The following SNTG1 variants were observed in gnomAD, a reference collection of about 807,000 sequenced individuals.
SNTG1 encodes gamma-1-syntrophin.
Under a neutral mutation model 74.7 loss-of-function variants are expected in SNTG1, and 39 were observed. The ratio of observed to expected loss-of-function variants is 0.52; its 90% CI spans 0.40 to 0.68. The LOEUF (loss-of-function observed/expected upper bound fraction) is 0.68, where lower values mean the gene tolerates loss of function less well. SNTG1 is among the 30% of genes least tolerant of loss of function. The pLI, the probability that SNTG1 is intolerant of heterozygous loss-of-function variation, is 0.00. For missense variants in SNTG1, 685 were observed against 609.5 expected, an observed-to-expected ratio of 1.12 and a Z score of -1.30; for synonymous variants, 254 against 217.1, an observed-to-expected ratio of 1.17 and a Z score of -1.49.
At chr8:50,432,734 G>A (rs139288765) in intron 4 of SNTG1, among the ~76,000 whole-genome samples, 1 of 151,480 alleles carries the variant, frequency 6.6e-6, no homozygotes, top group South Asian at 2.1e-4. Flanking sequence ...TATTATGTTA[G>A]ATTTATACCA....
At chr8:50,669,420 C>A (rs2095267524) in intron 15 of SNTG1, among the ~76,000 whole-genome samples, 1 of 152,104 alleles carries the variant, frequency 6.6e-6, no homozygotes, top group African/African-American at 2.4e-5. Context: ...CAACTCTATG[C>A]AAATAAACTA....
chr8:50,011,744 T>C (rs1815823862), intron 1 of SNTG1: 1 of 152,184 alleles, frequency 6.6e-6, no homozygotes, highest in Admixed American at 6.6e-5. Flanking sequence ...GGGAGGAATA[T>C]ATTTTGTTAA....
At chr8:50,031,284 A>T (rs188470480) in intron 1 of SNTG1, among the ~76,000 whole-genome samples, 1 of 152,102 alleles carries the variant, frequency 6.6e-6, no homozygotes, top group Admixed American at 6.5e-5. Context: ...GTCATCTACA[A>T]ATAAGTTCTA....
intron 8 of SNTG1, among the ~76,000 whole-genome samples, chr8:50,458,651 T>A (rs190711835): frequency 6.6e-6 from 1 of 152,168 alleles, no homozygotes; most frequent in Non-Finnish European, 1.5e-5. Context: ...ATTTTACATG[T>A]CTACACTTGC....
rs148890499 is a variant in SNTG1, at chr8:50,721,453, G to C, written c.1284+12475G>C. The stretch of plus-strand genomic sequence containing the variant: ...ATGGTGGAGACAAATTCTTAAAATA[G>C]CAGCATTATTATAAGAAGAAGTGAT... On this transcript the variant is annotated intron_variant, in intron 17 of 18. Transcript: ENST00000642720. Among the ~76,000 whole-genome samples the C allele has an allele frequency of 4.4e-3, 674 of 152,256 alleles. 7 individuals carry two copies. Among genetic ancestry groups the C allele is most frequent in the African/African-American group, 0.015 (625 of 41,536 alleles).
chr8:50,592,713 A>G (rs548420727), intron 13 of SNTG1, among the ~76,000 whole-genome samples: 4 of 152,312 alleles, frequency 2.6e-5, no homozygotes, highest in East Asian at 1.9e-4. Context: ...TATTCATTAT[A>G]TAATAATTTC....
intron 2 of SNTG1, among the ~76,000 whole-genome samples, chr8:50,254,853 G>GA (rs11377291): frequency 0.38 from 53,487 of 141,484 alleles, 12,052 homozygotes; most frequent in African/African-American, 0.64. Context: ...ACTCCTCAAA[G>GA]AAAAAAAAAA....
intron 1 of SNTG1, among the ~76,000 whole-genome samples, chr8:49,963,389 T>C (rs1024399168): frequency 6.6e-6 from 1 of 152,238 alleles, no homozygotes; most frequent in Non-Finnish European, 1.5e-5. Context: ...TTTTGGTTTA[T>C]GTCTTGGGCT....
intron 18 of SNTG1, among the ~76,000 whole-genome samples, chr8:50,777,252 A>AAT (rs1210625371): frequency 2.0e-5 from 3 of 147,430 alleles, no homozygotes; most frequent in East Asian, 2.0e-4. Context: ...TAATATATAT[A>AAT]ATATATATAT....
At chr8:50,259,508 A>AAAAAG (rs1554621879) in intron 2 of SNTG1, among the ~76,000 whole-genome samples, 902 of 15,596 alleles carry the variant, frequency 0.058, 46 homozygotes, top group African/African-American at 0.059. Context: ...CAAAAAAAAA[A>AAAAAG]AAAGAAAGAA....
chr8:50,707,965 G>T (rs936957247), intron 16 of SNTG1: 17 of 379,530 alleles, frequency 4.5e-5, no homozygotes, highest in Middle Eastern at 6.7e-4. Context: ...CACTTTGGGA[G>T]GCCGAGGCGG....
At chr8:50,389,260 G>T (rs927029279) in intron 2 of SNTG1, among the ~76,000 whole-genome samples, 1 of 152,198 alleles carries the variant, frequency 6.6e-6, no homozygotes, top group Non-Finnish European at 1.5e-5. Context: ...CCACAGGCCT[G>T]TGGGTTAGCA....
At chr8:50,767,614 T>G (rs905729375) in intron 18 of SNTG1, among the ~76,000 whole-genome samples, 5 of 151,920 alleles carry the variant, frequency 3.3e-5, no homozygotes, top group African/African-American at 4.8e-5. Flanking sequence ...TAGTTTTTTT[T>G]GACAAGTTAC....
intron 10 of SNTG1, among the ~76,000 whole-genome samples, chr8:50,536,015 G>A (rs1352358795): frequency 3.3e-5 from 5 of 152,168 alleles, no homozygotes; most frequent in African/African-American, 1.2e-4. Context: ...TCAAATATTA[G>A]TCTCCTCTAT....
intron 11 of SNTG1, among the ~76,000 whole-genome samples, chr8:50,541,868 A>G (rs989912867): frequency 1.3e-5 from 2 of 151,800 alleles, no homozygotes; most frequent in Non-Finnish European, 2.9e-5. Context: ...AGCTGTCTCA[A>G]TGAGATCAAC....
intron 8 of SNTG1, among the ~76,000 whole-genome samples, chr8:50,475,144 G>A (rs2093686417): frequency 6.6e-6 from 1 of 151,294 alleles, no homozygotes; most frequent in South Asian, 2.1e-4. Flanking sequence ...GAGTTAATGG[G>A]TGCAGCACAC....
chr8:50,677,339 G>A (rs1438919012), intron 15 of SNTG1, among the ~76,000 whole-genome samples: 1 of 151,822 alleles, frequency 6.6e-6, no homozygotes. Flanking sequence ...AAAATATTAT[G>A]TTTAATAATG....
chr8:50,075,966 G>A (rs547329042), intron 1 of SNTG1, among the ~76,000 whole-genome samples: 20 of 152,246 alleles, frequency 1.3e-4, no homozygotes, highest in African/African-American at 4.6e-4. Flanking sequence ...AGGGTCTGCA[G>A]CTTCATTCTT....
chr8:50,245,562 A>G (rs910364169), intron 2 of SNTG1, among the ~76,000 whole-genome samples: 2 of 152,124 alleles, frequency 1.3e-5, no homozygotes, highest in Non-Finnish European at 2.9e-5. Context: ...GCATGCCTGT[A>G]ATCTCAGCTA....
Sources: gnomAD v4.1 joint callset for allele counts (sites outside exome capture counted in the v4.1 genomes callset) on GRCh38, gnomAD v4.1.1 for gene constraint, MANE v1.5 for transcripts, NCBI Gene and HGNC (gene_info 2026-07-23, HGNC 2026-07-21) for gene names.